The following LHCGR variants were observed in gnomAD, a reference collection of about 807,000 sequenced individuals.
The protein encoded by LHCGR is luteinizing hormone/choriogonadotropin receptor, also known as lutropin-choriogonadotropic hormone receptor.
LHCGR carries 55 observed loss-of-function variants against 60.7 expected under a neutral mutation model. The observed-to-expected ratio is 0.91, with a 90% CI of 0.73 to 1.13. The LOEUF (loss-of-function observed/expected upper bound fraction) is 1.13, where lower values mean the gene tolerates loss of function less well. Among genes scored for constraint, LHCGR ranks in the 50% most tolerant of loss-of-function variants. The pLI is 0.00. For missense variants in LHCGR, 862 were observed against 836.0 expected (o/e 1.03, Z -0.38); for synonymous variants, 337 against 316.5 (o/e 1.06, Z -0.69).
chr2:48,719,365 T>C (rs1668403894), intron 6 of LHCGR, among the ~76,000 whole-genome samples: 1 of 152,184 alleles, frequency 6.6e-6, no homozygotes, highest in Non-Finnish European at 1.5e-5. Flanking sequence ...GCAGTCTCTC[T>C]ACTGTGGCTT....
intron 1 of LHCGR, among the ~76,000 whole-genome samples, chr2:48,731,742 T>G (rs1413070726): frequency 2.0e-5 from 3 of 152,166 alleles, no homozygotes; most frequent in Non-Finnish European, 4.4e-5. Context: ...TGTAGAGTGA[T>G]CCTATAGACT....
intron 1 of LHCGR, among the ~76,000 whole-genome samples, chr2:48,749,433 A>T (rs1669854197): frequency 6.6e-6 from 1 of 152,200 alleles, no homozygotes; most frequent in Non-Finnish European, 1.5e-5. Flanking sequence ...CAAAGCACAT[A>T]TGCTCCCATG....
At chr2:48,726,168 C>T (rs553607445) in intron 3 of LHCGR, among the ~76,000 whole-genome samples, 28 of 152,180 alleles carry the variant, frequency 1.8e-4, no homozygotes, top group Middle Eastern at 3.4e-3. Context: ...TAAGCAAACT[C>T]GTCCTCTTCA....
intron 1 of LHCGR, among the ~76,000 whole-genome samples, chr2:48,754,674 T>C (rs1670125736): frequency 6.6e-6 from 1 of 151,088 alleles, no homozygotes; most frequent in African/African-American, 2.4e-5. Flanking sequence ...CCCTGGTAAC[T>C]ACTAATCTAC....
chr2:48,745,329 A>AG (rs1373039668), intron 1 of LHCGR, among the ~76,000 whole-genome samples: 1 of 152,222 alleles, frequency 6.6e-6, no homozygotes, highest in African/African-American at 2.4e-5. Flanking sequence ...CATTTGACCT[A>AG]GCCATCCCAT....
At chr2:48,748,726 A>T (rs368447384) in intron 1 of LHCGR, among the ~76,000 whole-genome samples, 37 of 152,142 alleles carry the variant, frequency 2.4e-4, no homozygotes, top group African/African-American at 7.0e-4. Context: ...TGAAAACTTT[A>T]TTTCCATACT....
At chr2:48,735,496 A>G (rs947118545) in intron 1 of LHCGR, among the ~76,000 whole-genome samples, 2 of 152,038 alleles carry the variant, frequency 1.3e-5, no homozygotes, top group African/African-American at 2.4e-5. Flanking sequence ...CTTTTTCTCA[A>G]TCACCAGATC....
rs1177440540 is a variant in LHCGR at position 48,698,618 on chromosome 2, T to G, written c.863A>C (p.Lys288Thr). 6.2e-7 allele frequency: 1 copy of G among 1,613,916 alleles called. No individual in the cohort carries two copies. The highest frequency in any genetic ancestry group is 2.2e-5 in the East Asian group (1 of 44,864). ...HCCAFRNLPT[K>T]EQNFSHSISE... is the part of the protein sequence containing the mutation. ...TTACCTTTTGGTTTCTACTTACTCT[T>G]TTGTTGGCAAGTTTCTAAAAGCACA... Residue 288 changes from lysine to threonine, a missense_variant, in exon 9 of 11, where the codon AAA becomes ACA. Transcript: ENST00000294954.
At chr2:48,750,965 A>G (rs1669930372) in intron 1 of LHCGR, among the ~76,000 whole-genome samples, 1 of 152,236 alleles carries the variant, frequency 6.6e-6, no homozygotes, top group African/African-American at 2.4e-5. Context: ...CCAATTGTCA[A>G]TTGTCAATAT....
chr2:48,714,483 CTTTT>C (rs61510695), intron 6 of LHCGR, among the ~76,000 whole-genome samples: 1 of 139,928 alleles, frequency 7.1e-6, no homozygotes, highest in East Asian at 2.0e-4. Context: ...ACTGAGCCCA[CTTTT>C]TTTTTTTTTT....
At chr2:48,753,472 G>A (rs1670070252) in intron 1 of LHCGR, among the ~76,000 whole-genome samples, 1 of 152,162 alleles carries the variant, frequency 6.6e-6, no homozygotes, top group African/African-American at 2.4e-5. Context: ...ACCACGCTTG[G>A]CTAAGGAGGC....
chr2:48,708,065 A>T (rs1667783707), intron 8 of LHCGR, among the ~76,000 whole-genome samples: 1 of 152,202 alleles, frequency 6.6e-6, no homozygotes, highest in Admixed American at 6.5e-5. Context: ...GAGATGAACC[A>T]GGTACCTCAG....
intron 8 of LHCGR, among the ~76,000 whole-genome samples, chr2:48,708,002 C>G (rs112855465): frequency 0.053 from 7,994 of 152,214 alleles, 666 homozygotes; most frequent in African/African-American, 0.18. Flanking sequence ...GACGCCCTGC[C>G]CTGCTTCAGC....
At chr2:48,708,738 C>A in intron 8 of LHCGR, 1 of 612,000 alleles carries the variant, frequency 1.6e-6, no homozygotes, top group South Asian at 1.9e-5. Flanking sequence ...GCTTCCAGAA[C>A]CATAAGACAA....
intron 1 of LHCGR, among the ~76,000 whole-genome samples, chr2:48,743,949 T>C (rs1185312478): frequency 1.3e-5 from 2 of 150,008 alleles, no homozygotes; most frequent in Non-Finnish European, 3.0e-5. Context: ...AAAACCCCAT[T>C]GTCTCAGGCC....
chr2:48,711,426 A>G (rs960113734), intron 7 of LHCGR, among the ~76,000 whole-genome samples: 1 of 152,162 alleles, frequency 6.6e-6, no homozygotes, highest in Non-Finnish European at 1.5e-5. Context: ...GGTGCTTAAT[A>G]AATGTTTGTT....
At chr2:48,709,164 G>C in intron 7 of LHCGR, 142 bp from the exon 8 acceptor site, 1 of 717,822 alleles carries the variant, frequency 1.4e-6, no homozygotes, top group Non-Finnish European at 2.5e-6. Context: ...AGGGAAAGTG[G>C]GAAAAAGACA....
At chr2:48,735,782 C>A (rs2103654646) in intron 1 of LHCGR, among the ~76,000 whole-genome samples, 1 of 152,228 alleles carries the variant, frequency 6.6e-6, no homozygotes, top group Non-Finnish European at 1.5e-5. Flanking sequence ...AAGCTCTCAG[C>A]TGAGTTGCTC....
chr2:48,712,005 G>C (rs1668015541), intron 7 of LHCGR, among the ~76,000 whole-genome samples: 1 of 152,010 alleles, frequency 6.6e-6, no homozygotes, highest in Admixed American at 6.6e-5. Flanking sequence ...TATCTAGAAA[G>C]TACTATCTGC....
Sources: allele counts gnomAD v4.1 joint callset (sites outside exome capture counted in the v4.1 genomes callset), GRCh38; gene constraint gnomAD v4.1.1; transcripts MANE v1.5; gene names NCBI Gene and HGNC (gene_info 2026-07-23, HGNC 2026-07-21).